The following TAFA1 variants were observed in gnomAD, a reference collection of about 807,000 sequenced individuals.
TAFA1 encodes the protein chemokine-like protein TAFA-1.
TAFA1 carries 4 observed loss-of-function variants against 18.5 expected under a neutral mutation model. The observed-to-expected ratio is 0.22, with a 90% CI of 0.11 to 0.49. TAFA1 has a LOEUF of 0.49. Ranked by LOEUF, TAFA1 falls within the 20% of genes least tolerant of loss-of-function variation. The probability of loss-of-function intolerance (pLI) is 0.98; values close to 1 mark genes in which losing one functional copy is unlikely to be tolerated. For missense variants in TAFA1, 147 were observed against 169.0 expected (o/e 0.87, Z 0.72); for synonymous variants, 56 against 55.2 (o/e 1.01, Z -0.06).
chr3:68,481,025 T>G (rs2072227816), intron 3 of TAFA1, among the ~76,000 whole-genome samples: 1 of 152,188 alleles, frequency 6.6e-6, no homozygotes, highest in Non-Finnish European at 1.5e-5. Context: ...TCCACCATGA[T>G]TGTGAGGCCT....
At chr3:68,337,898 C>T (rs1254624084) in intron 2 of TAFA1, among the ~76,000 whole-genome samples, 6 of 152,144 alleles carry the variant, frequency 3.9e-5, no homozygotes, top group Non-Finnish European at 7.3e-5. Context: ...GTGTGGCATG[C>T]CTGAGACATT....
intron 2 of TAFA1, among the ~76,000 whole-genome samples, chr3:68,367,878 T>A (rs560883769): frequency 6.6e-6 from 1 of 152,226 alleles, no homozygotes; most frequent in South Asian, 2.1e-4. Context: ...GACAACTGCT[T>A]GGGTGAAGGG....
intron 2 of TAFA1, among the ~76,000 whole-genome samples, chr3:68,302,001 T>C (rs1344514319): frequency 1.3e-5 from 2 of 152,240 alleles, no homozygotes; most frequent in African/African-American, 2.4e-5. Flanking sequence ...TTATCCTAGT[T>C]CTTTTGTATT....
chr3:68,132,635 A>G (rs2065555741), intron 2 of TAFA1, among the ~76,000 whole-genome samples: 2 of 152,170 alleles, frequency 1.3e-5, no homozygotes, highest in Admixed American at 6.5e-5. Flanking sequence ...AGTGATGATG[A>G]GCTTTTTTTC....
intron 2 of TAFA1, among the ~76,000 whole-genome samples, chr3:68,243,827 G>T (rs1240262289): frequency 1.3e-5 from 2 of 152,042 alleles, no homozygotes; most frequent in African/African-American, 4.8e-5. Context: ...GGGTGGTATG[G>T]TAAGTCCATT....
intron 2 of TAFA1, among the ~76,000 whole-genome samples, chr3:68,079,976 G>C (rs2064876058): frequency 6.6e-6 from 1 of 151,866 alleles, no homozygotes; most frequent in Non-Finnish European, 1.5e-5. Flanking sequence ...CTCAGGACTT[G>C]CTTTATGAAT....
At chr3:68,301,416 C>T (rs1228650939) in intron 2 of TAFA1, among the ~76,000 whole-genome samples, 1 of 152,156 alleles carries the variant, frequency 6.6e-6, no homozygotes, top group Non-Finnish European at 1.5e-5. Flanking sequence ...GCACCTTTAA[C>T]TTGCTTGAGC....
intron 2 of TAFA1, among the ~76,000 whole-genome samples, chr3:68,274,206 T>C (rs971145473): frequency 6.6e-6 from 1 of 152,202 alleles, no homozygotes; most frequent in Non-Finnish European, 1.5e-5. Context: ...ACAAATTTCA[T>C]AAACCCAGAT....
chr3:68,404,870 A>G (rs551338694), intron 2 of TAFA1, among the ~76,000 whole-genome samples: 1 of 152,126 alleles, frequency 6.6e-6, no homozygotes, highest in Non-Finnish European at 1.5e-5. Context: ...AAGAGGACCA[A>G]CTGACGGGCA....
intron 2 of TAFA1, among the ~76,000 whole-genome samples, chr3:68,018,614 A>G (rs1704617953): frequency 1.3e-5 from 2 of 152,186 alleles, no homozygotes; most frequent in Admixed American, 6.5e-5. Context: ...TGTGAGGGTA[A>G]GGAACCCAGC....
intron 2 of TAFA1, among the ~76,000 whole-genome samples, chr3:68,152,535 A>G (rs1333966350): frequency 6.6e-6 from 1 of 152,160 alleles, no homozygotes; most frequent in African/African-American, 2.4e-5. Context: ...AGTTAAATTC[A>G]GTCCCATGAT....
chr3:68,081,334 A>G (rs1365269717), intron 2 of TAFA1, among the ~76,000 whole-genome samples: 1 of 152,022 alleles, frequency 6.6e-6, no homozygotes, highest in Non-Finnish European at 1.5e-5. Flanking sequence ...TTCTCCATCC[A>G]GCTTTGTTCC....
intron 3 of TAFA1, among the ~76,000 whole-genome samples, chr3:68,515,123 GT>G (rs2072901686): frequency 6.6e-6 from 1 of 152,156 alleles, no homozygotes; most frequent in Non-Finnish European, 1.5e-5. Context: ...ATGATCAACT[GT>G]AGCATCTGCA....
intron 2 of TAFA1, among the ~76,000 whole-genome samples, chr3:68,377,623 G>A (rs573561721): frequency 9.2e-5 from 14 of 152,276 alleles, no homozygotes; most frequent in East Asian, 5.8e-4. Context: ...CATAAGTAAC[G>A]AGGATTTAAT....
At chr3:68,543,057 TA>T (rs2073403192) in intron 4 of TAFA1, among the ~76,000 whole-genome samples, 1 of 152,088 alleles carries the variant, frequency 6.6e-6, no homozygotes, top group African/African-American at 2.4e-5. Flanking sequence ...TTCCCTGTGG[TA>T]AAATTGTGAG....
intron 2 of TAFA1, among the ~76,000 whole-genome samples, chr3:68,227,426 A>G (rs1480270758): frequency 1.3e-5 from 2 of 152,216 alleles, no homozygotes; most frequent in African/African-American, 4.8e-5. Context: ...AGATTAGAAC[A>G]TAATTATGTG....
chr3:68,515,102 G>A (rs1481657472), intron 3 of TAFA1, among the ~76,000 whole-genome samples: 1 of 152,140 alleles, frequency 6.6e-6, no homozygotes, highest in Non-Finnish European at 1.5e-5. Flanking sequence ...GGAAGGCTGG[G>A]ATCAGCTGGG....
intron 2 of TAFA1, chr3:68,192,564 T>G (rs1313884001): frequency 1.3e-5 from 2 of 156,018 alleles, no homozygotes; most frequent in Non-Finnish European, 2.9e-5. Flanking sequence ...AAACAAAACC[T>G]AAAAAGTTAA....
intron 2 of TAFA1, among the ~76,000 whole-genome samples, chr3:68,411,490 A>G (rs953034365): frequency 6.6e-6 from 1 of 152,222 alleles, no homozygotes; most frequent in South Asian, 2.1e-4. Flanking sequence ...AAAGTATATT[A>G]TGTAAAAGCT....
Sources: gnomAD v4.1 joint callset for allele counts (sites outside exome capture counted in the v4.1 genomes callset) on GRCh38, gnomAD v4.1.1 for gene constraint, MANE v1.5 for transcripts, NCBI Gene and HGNC (gene_info 2026-07-23, HGNC 2026-07-21) for gene names.